The following CAST variants were observed in gnomAD, a reference collection of about 807,000 sequenced individuals.
The protein encoded by CAST is MIR583 host.
A neutral mutation model predicts 119.6 loss-of-function variants in CAST; 76 were observed. The ratio of observed to expected loss-of-function variants is 0.64; its 90% CI spans 0.53 to 0.77. The LOEUF (loss-of-function observed/expected upper bound fraction) is 0.77, where lower values mean the gene tolerates loss of function less well. Among genes scored for constraint, CAST ranks in the 30% least tolerant of loss-of-function variants. CAST has a pLI of 0.00. For missense variants in CAST, 953 were observed against 946.5 expected (o/e 1.01, Z -0.09); for synonymous variants, 319 against 331.6 (o/e 0.96, Z 0.41).
At chr5:96,150,659 A>T in the CAST span, among the ~76,000 whole-genome samples, 1 of 152,172 alleles carries the variant, frequency 6.6e-6, no homozygotes, top group Admixed American at 6.5e-5. Flanking sequence ...AGACTGGGTC[A>T]TCTTGGCAGC....
At chr5:96,605,467 T>C (rs1009041155) in intron 1 of CAST, among the ~76,000 whole-genome samples, 3 of 152,222 alleles carry the variant, frequency 2.0e-5, no homozygotes, top group African/African-American at 7.2e-5. Flanking sequence ...GGCTTTGTCT[T>C]CCAACATATT....
chr5:96,531,404 A>T (rs973652368), intron 1 of CAST, among the ~76,000 whole-genome samples: 1 of 152,052 alleles, frequency 6.6e-6, no homozygotes, highest in African/African-American at 2.4e-5. Context: ...CACCACACTC[A>T]CCCCCGCATT....
At chr5:96,403,286 T>G in the CAST span, among the ~76,000 whole-genome samples, 1 of 152,158 alleles carries the variant, frequency 6.6e-6, no homozygotes, top group Non-Finnish European at 1.5e-5. Flanking sequence ...TTATTATACT[T>G]TAAGTTCTAG....
the CAST span, among the ~76,000 whole-genome samples, chr5:96,484,073 C>G: frequency 6.6e-6 from 1 of 152,262 alleles, no homozygotes; most frequent in Non-Finnish European, 1.5e-5. Context: ...AGGACAGCAC[C>G]TGCATAGCCA....
the CAST span, among the ~76,000 whole-genome samples, chr5:96,108,506 G>A: frequency 1.3e-5 from 2 of 151,050 alleles, no homozygotes; most frequent in South Asian, 4.2e-4. Flanking sequence ...GTCTGCCCCT[G>A]CTGGGGGGTG....
At chr5:96,291,327 C>T in the CAST span, among the ~76,000 whole-genome samples, 4 of 152,218 alleles carry the variant, frequency 2.6e-5, no homozygotes, top group African/African-American at 9.6e-5. Flanking sequence ...ATAAGCACTC[C>T]TATGAATAGA....
intron 1 of CAST, among the ~76,000 whole-genome samples, chr5:96,636,758 T>C (rs115683504): frequency 1.3e-5 from 2 of 151,946 alleles, no homozygotes; most frequent in East Asian, 3.9e-4. Flanking sequence ...CTGTGGCTGG[T>C]GGGGGAAAGG....
chr5:96,477,939 A>T, the CAST span, among the ~76,000 whole-genome samples: 2 of 152,220 alleles, frequency 1.3e-5, no homozygotes, highest in Non-Finnish European at 2.9e-5. Flanking sequence ...CCATTAAAAA[A>T]CACATGCTAC....
At chr5:96,458,772 T>C in the CAST span, among the ~76,000 whole-genome samples, 1 of 152,102 alleles carries the variant, frequency 6.6e-6, no homozygotes, top group African/African-American at 2.4e-5. Flanking sequence ...AATTAATTCT[T>C]TTTTAGTATT....
At chr5:96,242,229 A>G in the CAST span, among the ~76,000 whole-genome samples, 1 of 151,770 alleles carries the variant, frequency 6.6e-6, no homozygotes, top group Non-Finnish European at 1.5e-5. Context: ...TCCATCTTGA[A>G]TTGATTTTTG....
the CAST span, among the ~76,000 whole-genome samples, chr5:96,033,155 T>C: frequency 1.3e-5 from 2 of 152,070 alleles, no homozygotes; most frequent in African/African-American, 4.8e-5. Flanking sequence ...TATAAAATAT[T>C]GATGAAGGAA....
chr5:96,005,607 T>C, the CAST span, among the ~76,000 whole-genome samples: 1 of 152,328 alleles, frequency 6.6e-6, no homozygotes, highest in East Asian at 1.9e-4. Context: ...TAGTACTATT[T>C]GATTATATTA....
rs546598244 is a variant in CAST, at chr5:96,614,909, C to T, written c.61-60630C>T. On this transcript the variant is annotated intron_variant, in intron 1 of 11. Transcript: ENST00000505143. The stretch of plus-strand genomic sequence containing the variant: ...AGTTACTTAAAAGCAATAATTTGGG[C>T]ACTGGGGAGGCCCTCAGCGCTGCCT... Among the ~76,000 whole-genome samples, 12 of 137,038 alleles carry T rather than the reference C, an allele frequency of 8.8e-5. No individual in the cohort carries two copies. The Middle Eastern group carries it at 0.01, about 119-fold the overall frequency. The allele number at this position is 137,038 out of a possible 152,430, so 89.9% of individuals were successfully genotyped here.
intron 1 of CAST, among the ~76,000 whole-genome samples, chr5:96,620,453 A>G (rs1162692866): frequency 6.6e-6 from 1 of 152,182 alleles, no homozygotes; most frequent in African/African-American, 2.4e-5. Flanking sequence ...GGGCAGCAGC[A>G]GTGAGTTGCA....
In CAST at chr5:96,663,175, G is replaced by A. The variant is rs75571464; in HGVS notation, c.75+678G>A. ...GCTGGTGGTACAAGACGGTAAATAGGAGCGGTTGTGCCTGGGCAGGACCCG... is the reference window on the plus strand; with the variant it reads ...GCTGGTGGTACAAGACGGTAAATAGAAGCGGTTGTGCCTGGGCAGGACCCG... On this transcript the variant is annotated intron_variant, in intron 1 of 31. Coordinates refer to ENST00000675179, the MANE Select transcript of CAST (RefSeq NM_001750.7). The A allele has an allele frequency of 9.1e-4, 638 of 702,732 alleles. 5 individuals carry two copies. In the African/African-American group the frequency reaches 0.01, roughly 11 times the overall value. 43.5% of individuals were successfully genotyped at this position (702,732 alleles called of 1,614,324 possible).
intron 1 of CAST, among the ~76,000 whole-genome samples, chr5:96,641,670 C>T (rs1747951379): frequency 6.6e-6 from 1 of 152,290 alleles, no homozygotes; most frequent in Non-Finnish European, 1.5e-5. Context: ...CTGAAACATG[C>T]CTGGCTCTCC....
At chr5:96,699,102 A>G (rs1753610392) in intron 3 of CAST, among the ~76,000 whole-genome samples, 1 of 152,208 alleles carries the variant, frequency 6.6e-6, no homozygotes, top group African/African-American at 2.4e-5. Context: ...TTAGTTCTTA[A>G]AATTTAATTT....
At chr5:96,758,599 A>G (rs1456029847) in intron 24 of CAST, among the ~76,000 whole-genome samples, 1 of 152,212 alleles carries the variant, frequency 6.6e-6, no homozygotes, top group Non-Finnish European at 1.5e-5. Flanking sequence ...TATCAGTTGG[A>G]GAATAGACAG....
At chr5:96,585,546 T>C (rs1746844698) in intron 1 of CAST, among the ~76,000 whole-genome samples, 1 of 152,182 alleles carries the variant, frequency 6.6e-6, no homozygotes, top group Non-Finnish European at 1.5e-5. Flanking sequence ...AGTTGAGGGG[T>C]AGGCTGGGGA....
Sources: allele counts gnomAD v4.1 joint callset (sites outside exome capture counted in the v4.1 genomes callset), GRCh38; gene constraint gnomAD v4.1.1; transcripts MANE v1.5; gene names NCBI Gene and HGNC (gene_info 2026-07-23, HGNC 2026-07-21).